The following YWHAQ variants were observed in gnomAD, a reference collection of about 807,000 sequenced individuals.
The protein encoded by YWHAQ is tyrosine 3-monooxygenase/tryptophan 5-monooxygenase activation protein theta.
A neutral mutation model predicts 28.3 loss-of-function variants in YWHAQ; 6 were observed. The observed-to-expected ratio is 0.21, with a 90% confidence interval of 0.12 to 0.42. The LOEUF (loss-of-function observed/expected upper bound fraction) is 0.42, where lower values mean the gene tolerates loss of function less well. Ranked by LOEUF, YWHAQ falls within the 10% of genes least tolerant of loss-of-function variation. The pLI is 1.00. For synonymous variants in YWHAQ, 143 were observed against 119.1 expected (o/e 1.20, Z -1.31); for missense variants, 201 against 305.6 (o/e 0.66, Z 2.55).
intron 5 of YWHAQ, among the ~76,000 whole-genome samples, chr2:9,587,158 A>C (rs1572984626): frequency 6.6e-6 from 1 of 152,316 alleles, no homozygotes; most frequent in Non-Finnish European, 1.5e-5. Context: ...ATAATTTATC[A>C]ACATCTTCAT....
intron 2 of YWHAQ, among the ~76,000 whole-genome samples, chr2:9,623,664 T>G (rs879682414): frequency 6.6e-6 from 1 of 152,054 alleles, no homozygotes; most frequent in Non-Finnish European, 1.5e-5. Flanking sequence ...TCCCAACTAC[T>G]TGTGAGGCTG....
At chr2:9,593,991 ACACACACACG>A (rs1445952375) in intron 2 of YWHAQ, among the ~76,000 whole-genome samples, 1 of 151,194 alleles carries the variant, frequency 6.6e-6, no homozygotes, top group African/African-American at 2.4e-5. Context: ...ACACACACAC[ACACACACACG>A]CACGCACAAA....
At chr2:9,593,919 T>TAAACAC (rs765018439) in intron 2 of YWHAQ, among the ~76,000 whole-genome samples, 1 of 124,978 alleles carries the variant, frequency 8.0e-6, no homozygotes. Context: ...TATATATATA[T>TAAACAC]ATATACACAC....
intron 2 of YWHAQ, among the ~76,000 whole-genome samples, chr2:9,616,590 G>T (rs1478528408): frequency 6.9e-6 from 1 of 145,850 alleles, no homozygotes; most frequent in East Asian, 2.0e-4. Flanking sequence ...AAAAAAAAAA[G>T]ATTACAACCC....
chr2:9,610,239 T>C (rs1248497349), intron 2 of YWHAQ, among the ~76,000 whole-genome samples: 1 of 152,174 alleles, frequency 6.6e-6, no homozygotes, highest in Non-Finnish European at 1.5e-5. Flanking sequence ...ATGGGTCCAT[T>C]TCACTGGTAT....
At chr2:9,596,702 A>ATT (rs35425869) in intron 2 of YWHAQ, among the ~76,000 whole-genome samples, 19 of 149,876 alleles carry the variant, frequency 1.3e-4, no homozygotes, top group Middle Eastern at 3.5e-3. Context: ...TAAGCTAGAG[A>ATT]TTTTTTTTTT....
In YWHAQ at chr2:9,616,732, T is replaced by A. The variant is rs545373825; in HGVS notation, c.294+13427A>T. Among the ~76,000 whole-genome samples, 1,241 of 152,290 alleles carry A rather than the reference T, an allele frequency of 8.1e-3. 9 individuals are homozygous for A. Among genetic ancestry groups the A allele is most frequent in the Non-Finnish European group, 9.9e-3 (673 of 68,018 alleles). On this transcript the variant is annotated intron_variant, in intron 2 of 5. Coordinates refer to ENST00000238081, the MANE Select transcript of YWHAQ (RefSeq NM_006826.4). ...ATATCCACCAGGATTGGTGAGGATGTAGAGAAACTGGAACTCTCTTACACT... is the reference window on the plus strand; with the variant it reads ...ATATCCACCAGGATTGGTGAGGATGAAGAGAAACTGGAACTCTCTTACACT...
Position 9,588,338 on chromosome 2 carries a change from G to A in YWHAQ, c.419-10C>T, listed in dbSNP as rs1489098667. On this transcript the variant is annotated splice_polypyrimidine_tract_variant and intron_variant, in intron 3 of 5. Coordinates refer to ENST00000238081, the MANE Select transcript of YWHAQ (RefSeq NM_006826.4). The stretch of plus-strand genomic sequence containing the variant: ...GAATTATCTATCGTTTCTGTGAAGA[G>A]CGAAAAATAAGAAGTGCAATATTAA... 3 of 1,601,828 alleles carry A rather than the reference G, an allele frequency of 1.9e-6. No homozygotes were observed. The highest frequency in any genetic ancestry group is 1.8e-5 in the Admixed American group (1 of 56,084).
chr2:9,593,606 T>C (rs573310207), intron 2 of YWHAQ, among the ~76,000 whole-genome samples: 1 of 144,540 alleles, frequency 6.9e-6, no homozygotes, highest in Non-Finnish European at 1.5e-5. Context: ...GCAAGAGGAT[T>C]GCCTGAGAGC....
intron 2 of YWHAQ, among the ~76,000 whole-genome samples, chr2:9,605,013 A>ACAGAATACTAC (rs1245719668): frequency 1.3e-5 from 2 of 152,228 alleles, no homozygotes; most frequent in African/African-American, 4.8e-5. Flanking sequence ...GGAATTTCAT[A>ACAGAATACTAC]CAGAATACTA....
At position 9,605,853 on chromosome 2, in the gene YWHAQ, C is replaced by T. The variant is rs1031220772; in HGVS notation, c.295-14338G>A. Among the ~76,000 whole-genome samples, 8 of 151,924 alleles carry T rather than the reference C, an allele frequency of 5.3e-5. No individual in the cohort carries two copies. In the South Asian group the frequency reaches 1.0e-3, roughly 20 times the overall value. ...CTGCGATTACAGGCTTGAGCCACCG[C>T]GCCCAGCCTCTTGTACATTCTTTTA... is the stretch of plus-strand genomic sequence containing the variant. On this transcript the variant is annotated intron_variant, in intron 2 of 5. Transcript: ENST00000238081.
At chr2:9,628,245 G>A (rs558485782) in intron 2 of YWHAQ, among the ~76,000 whole-genome samples, 1 of 152,160 alleles carries the variant, frequency 6.6e-6, no homozygotes, top group South Asian at 2.1e-4. Context: ...TTGGTGTCTC[G>A]GATTCATCAA....
intron 2 of YWHAQ, among the ~76,000 whole-genome samples, chr2:9,623,584 AC>A (rs915407709): frequency 7.2e-5 from 11 of 152,144 alleles, no homozygotes; most frequent in Middle Eastern, 3.4e-3. Flanking sequence ...GACCAACCTG[AC>A]CAACACGGAG....
At chr2:9,605,037 T>G (rs139548271) in intron 2 of YWHAQ, among the ~76,000 whole-genome samples, 1 of 152,182 alleles carries the variant, frequency 6.6e-6, no homozygotes, top group African/African-American at 2.4e-5. Context: ...TGAAATGATA[T>G]GTGAATTATT....
intron 2 of YWHAQ, among the ~76,000 whole-genome samples, chr2:9,592,379 T>C (rs1291312873): frequency 1.4e-5 from 2 of 147,220 alleles, no homozygotes; most frequent in African/African-American, 2.4e-5. Flanking sequence ...AAGACAAATA[T>C]GATAGAAATC....
intron 2 of YWHAQ, among the ~76,000 whole-genome samples, chr2:9,616,577 T>TA (rs200343684): frequency 0.16 from 22,981 of 146,022 alleles, 2,125 homozygotes; most frequent in Middle Eastern, 0.24. Flanking sequence ...ATAATATATT[T>TA]AAAAAAAAAA....
intron 2 of YWHAQ, among the ~76,000 whole-genome samples, chr2:9,612,777 C>T (rs1269897469): frequency 6.6e-6 from 1 of 152,118 alleles, no homozygotes; most frequent in East Asian, 1.9e-4. Context: ...TAAAGCCACC[C>T]GAGCCCATGA....
At chr2:9,589,856 T>C (rs983414872) in intron 3 of YWHAQ, among the ~76,000 whole-genome samples, 1 of 152,186 alleles carries the variant, frequency 6.6e-6, no homozygotes, top group African/African-American at 2.4e-5. Flanking sequence ...ATTATACCCA[T>C]GTTTTGAAAA....
Position 9,587,396 on chromosome 2 carries a change from A to C in YWHAQ, c.678+18T>G. On this transcript the variant is annotated intron_variant, in intron 5 of 5. Transcript: ENST00000238081. ...TGTTTCTGAAAAGAAAATAAAATTA[A>C]AAGAGTAAACAACTCACTGTTAGGT... 1 of 1,579,490 alleles carries C rather than the reference A, an allele frequency of 6.3e-7. No homozygotes were observed. Among genetic ancestry groups the C allele is most frequent in the Non-Finnish European group, 8.6e-7 (1 of 1,167,664 alleles).
Sources: gnomAD v4.1 joint callset for allele counts (sites outside exome capture counted in the v4.1 genomes callset) on GRCh38, gnomAD v4.1.1 for gene constraint, MANE v1.5 for transcripts, NCBI Gene and HGNC (gene_info 2026-07-23, HGNC 2026-07-21) for gene names.